RALYL: variants seen among roughly 807,000 people sequenced by gnomAD.
The protein encoded by RALYL is RNA-binding Raly-like protein.
In RALYL, 29 loss-of-function variants were observed where a neutral mutation model predicts 35.1. That is an observed-to-expected ratio of 0.83 (90% CI 0.61 to 1.13). The LOEUF (loss-of-function observed/expected upper bound fraction) is 1.13. RALYL is among the 50% of genes most tolerant of loss of function. The pLI, the probability that RALYL is intolerant of heterozygous loss-of-function variation, is 0.00. For synonymous variants in RALYL, 120 were observed against 127.6 expected, an observed-to-expected ratio of 0.94 and a Z score of 0.40; for missense variants, 359 against 360.4, an observed-to-expected ratio of 1.00 and a Z score of 0.03.
intron 1 of RALYL, among the ~76,000 whole-genome samples, chr8:84,483,239 C>T (rs1031651137): frequency 6.6e-6 from 1 of 152,028 alleles, no homozygotes; most frequent in African/African-American, 2.4e-5. Flanking sequence ...ACATAACATG[C>T]TATGATACTT....
intron 2 of RALYL, among the ~76,000 whole-genome samples, chr8:84,703,131 C>G (rs1346940837): frequency 6.6e-6 from 1 of 152,144 alleles, no homozygotes; most frequent in African/African-American, 2.4e-5. Context: ...CCCTCAGCCA[C>G]TGCCCCTGCC....
intron 2 of RALYL, among the ~76,000 whole-genome samples, chr8:84,719,747 G>C (rs541653749): frequency 1.3e-5 from 2 of 152,182 alleles, no homozygotes; most frequent in Non-Finnish European, 2.9e-5. Context: ...TATCACATCA[G>C]GGTATTTAGC....
At chr8:84,729,400 T>G (rs536875271) in intron 2 of RALYL, among the ~76,000 whole-genome samples, 17 of 152,060 alleles carry the variant, frequency 1.1e-4, no homozygotes, top group African/African-American at 3.9e-4. Flanking sequence ...AGAGGGAAAT[T>G]TATAGCACTT....
intron 4 of RALYL, among the ~76,000 whole-genome samples, chr8:84,820,799 C>A (rs1342274713): frequency 2.0e-5 from 3 of 151,888 alleles, no homozygotes; most frequent in Non-Finnish European, 4.4e-5. Context: ...TGTCAAGCCA[C>A]ATTGGAAAGG....
At chr8:84,361,891 C>A (rs898750942) in intron 1 of RALYL, among the ~76,000 whole-genome samples, 1 of 152,106 alleles carries the variant, frequency 6.6e-6, no homozygotes, top group East Asian at 1.9e-4. Context: ...GAAGAAGCCC[C>A]TGTTTTAGAG....
intron 1 of RALYL, among the ~76,000 whole-genome samples, chr8:84,448,311 G>A (rs572969474): frequency 5.3e-5 from 8 of 152,136 alleles, no homozygotes; most frequent in East Asian, 1.9e-4. Context: ...GCCATATAAC[G>A]TTGTGCCTGT....
chr8:84,765,099 C>T (rs929421987), intron 2 of RALYL, among the ~76,000 whole-genome samples: 1 of 152,152 alleles, frequency 6.6e-6, no homozygotes, highest in African/African-American at 2.4e-5. Context: ...CAGGAAATTG[C>T]AGGCAGCACA....
intron 2 of RALYL, among the ~76,000 whole-genome samples, chr8:84,616,839 T>G (rs1819826829): frequency 6.6e-6 from 1 of 151,852 alleles, no homozygotes; most frequent in Non-Finnish European, 1.5e-5. Flanking sequence ...CACCATTTAT[T>G]AAGTAGGGAA....
At position 84,506,067 on chromosome 8, in the gene RALYL, G is replaced by T. The variant is rs149851122; in HGVS notation, c.-23-23232G>T. 2.7e-3 allele frequency among the ~76,000 whole-genome samples: 409 copies of T among 152,130 alleles called. 2 individuals carry two copies. The highest frequency in any genetic ancestry group is 4.8e-3 in the Non-Finnish European group (327 of 67,954). Reference sequence around the variant, plus strand: ...ACCGATTAAATTGATCACGACATTAGAATACCATTCTCTGGAATTTCTGGT... The same window carrying T: ...ACCGATTAAATTGATCACGACATTATAATACCATTCTCTGGAATTTCTGGT... On this transcript the variant is annotated intron_variant, in intron 1 of 8. Transcript: ENST00000521268.
At chr8:84,746,780 G>A (rs1441087807) in intron 2 of RALYL, among the ~76,000 whole-genome samples, 3 of 151,664 alleles carry the variant, frequency 2.0e-5, no homozygotes, top group Non-Finnish European at 4.4e-5. Flanking sequence ...TAATAATAAA[G>A]TCATTTAAAA....
chr8:84,892,076 G>C (rs187331127), intron 8 of RALYL, among the ~76,000 whole-genome samples: 1 of 152,240 alleles, frequency 6.6e-6, no homozygotes, highest in Admixed American at 6.5e-5. Context: ...CCCTTGTGAG[G>C]TGGTGAGAAG....
chr8:84,298,276 T>A (rs1445990783), intron 1 of RALYL, among the ~76,000 whole-genome samples: 1 of 152,132 alleles, frequency 6.6e-6, no homozygotes, highest in Non-Finnish European at 1.5e-5. Flanking sequence ...CCCAGCACCA[T>A]TTATTGAACA....
intron 4 of RALYL, chr8:84,828,965 ACC>A (rs1212637404): frequency 6.6e-6 from 1 of 151,874 alleles, no homozygotes; most frequent in Non-Finnish European, 1.5e-5. Flanking sequence ...AAAAAAAAAA[ACC>A]CTAGGTTAGT....
chr8:84,216,802 A>C (rs1233202628), intron 1 of RALYL, among the ~76,000 whole-genome samples: 3 of 152,176 alleles, frequency 2.0e-5, no homozygotes, highest in African/African-American at 7.2e-5. Context: ...ATTTACATTT[A>C]AACAGCTACA....
chr8:84,509,773 T>C (rs2057459033), intron 1 of RALYL, among the ~76,000 whole-genome samples: 1 of 152,208 alleles, frequency 6.6e-6, no homozygotes. Context: ...TTAAAAAGAC[T>C]ATGTTATGGT....
chr8:84,859,005 G>T (rs1287414760), intron 5 of RALYL, among the ~76,000 whole-genome samples: 3 of 152,192 alleles, frequency 2.0e-5, no homozygotes, highest in East Asian at 1.9e-4. Context: ...AAATAATTGG[G>T]CAAAACGCAC....
intron 2 of RALYL, among the ~76,000 whole-genome samples, chr8:84,595,841 T>C (rs1814397301): frequency 6.7e-6 from 1 of 148,920 alleles, no homozygotes; most frequent in East Asian, 2.0e-4. Flanking sequence ...CATTAAGGCA[T>C]GCATCTCCAT....
At chr8:84,613,327 C>A (rs922799566) in intron 2 of RALYL, among the ~76,000 whole-genome samples, 2 of 151,506 alleles carry the variant, frequency 1.3e-5, no homozygotes, top group Admixed American at 6.6e-5. Context: ...GAACTTTTTA[C>A]TGTGTTCTTT....
At chr8:84,563,399 A>G (rs2061584116) in intron 2 of RALYL, among the ~76,000 whole-genome samples, 1 of 151,914 alleles carries the variant, frequency 6.6e-6, no homozygotes. Context: ...CTAGGAAAGA[A>G]GAACTGGAGG....
Sources: gnomAD v4.1 joint callset for allele counts (sites outside exome capture counted in the v4.1 genomes callset) on GRCh38, gnomAD v4.1.1 for gene constraint, MANE v1.5 for transcripts, NCBI Gene and HGNC (gene_info 2026-07-23, HGNC 2026-07-21) for gene names.